DTWD2: variants seen among roughly 807,000 people sequenced by gnomAD.
DTWD2 encodes the protein DTW motif tRNA-uridine aminocarboxypropyltransferase 2.
DTWD2 carries 39 observed loss-of-function variants against 31.8 expected under a neutral mutation model. The observed-to-expected ratio is 1.22, with a 90% CI of 0.95 to 1.60. The LOEUF is 1.60. Ranked by LOEUF, DTWD2 falls within the 40% of genes most tolerant of loss-of-function variation. The probability of loss-of-function intolerance (pLI) is 0.00; values close to 1 mark genes in which losing one functional copy is unlikely to be tolerated. For missense variants in DTWD2, 515 were observed against 381.5 expected (o/e 1.35, Z -2.92); for synonymous variants, 180 against 142.8 (o/e 1.26, Z -1.86).
intron 4 of DTWD2, among the ~76,000 whole-genome samples, chr5:118,848,607 C>T (rs1253056811): frequency 6.6e-5 from 10 of 151,972 alleles, no homozygotes. Flanking sequence ...ATAAAAAAGG[C>T]TGCAGCTAAA....
intron 1 of DTWD2, among the ~76,000 whole-genome samples, chr5:118,975,260 T>G (rs987401051): frequency 6.6e-6 from 1 of 152,150 alleles, no homozygotes; most frequent in African/African-American, 2.4e-5. Context: ...TCTTCACGCT[T>G]TATTTCATTG....
At chr5:118,890,474 C>T (rs1752954169) in intron 4 of DTWD2, among the ~76,000 whole-genome samples, 1 of 149,758 alleles carries the variant, frequency 6.7e-6, no homozygotes, top group Non-Finnish European at 1.5e-5. Context: ...CTCCTGATTT[C>T]ATGAGTTTTG....
At chr5:118,986,292 A>G (rs1371760278) in intron 1 of DTWD2, among the ~76,000 whole-genome samples, 2 of 152,214 alleles carry the variant, frequency 1.3e-5, no homozygotes, top group South Asian at 4.1e-4. Context: ...GACATACATA[A>G]AGGACAGAAT....
rs58264680 is a variant in DTWD2 at position 118,978,790 on chromosome 5, G to A, written c.218+9504C>T. ...GGAGGCCAAGGAGGGTGGATCACTT[G>A]AGGTCAGGAGTTAGAGATCAGCCTG... On this transcript the variant is annotated intron_variant, in intron 1 of 5. Transcript: ENST00000510708. Among the ~76,000 whole-genome samples the A allele has an allele frequency of 3.2e-3, 493 of 152,086 alleles. 2 individuals are homozygous for A. Among genetic ancestry groups the A allele is most frequent in the African/African-American group, 0.012 (481 of 41,482 alleles).
intron 4 of DTWD2, among the ~76,000 whole-genome samples, chr5:118,873,355 C>G (rs1385042245): frequency 1.3e-5 from 2 of 152,184 alleles, no homozygotes; most frequent in Non-Finnish European, 2.9e-5. Flanking sequence ...CTGGCCTCTC[C>G]CAGGGCCCCA....
intron 1 of DTWD2, among the ~76,000 whole-genome samples, chr5:118,981,506 T>A (rs893266170): frequency 6.6e-6 from 1 of 151,094 alleles, no homozygotes; most frequent in Non-Finnish European, 1.5e-5. Flanking sequence ...TTTCCAATAG[T>A]GAAAAATGAA....
At chr5:118,929,920 T>C (rs1310351716) in intron 3 of DTWD2, among the ~76,000 whole-genome samples, 3 of 152,188 alleles carry the variant, frequency 2.0e-5, no homozygotes, top group Non-Finnish European at 4.4e-5. Context: ...TGCGGTTTCA[T>C]CTGCATAACA....
intron 4 of DTWD2, among the ~76,000 whole-genome samples, chr5:118,855,498 A>C (rs1278274302): frequency 6.6e-6 from 1 of 152,030 alleles, no homozygotes; most frequent in Non-Finnish European, 1.5e-5. Context: ...AATGGATACC[A>C]AGTATATTAT....
chr5:118,934,919 C>T (rs1352368007), intron 3 of DTWD2, among the ~76,000 whole-genome samples: 1 of 152,148 alleles, frequency 6.6e-6, no homozygotes, highest in Non-Finnish European at 1.5e-5. Flanking sequence ...ATTTGGTCTT[C>T]TTTCCGTTTC....
At chr5:118,964,788 T>A (rs1207931899) in intron 1 of DTWD2, among the ~76,000 whole-genome samples, 1 of 152,162 alleles carries the variant, frequency 6.6e-6, no homozygotes, top group African/African-American at 2.4e-5. Flanking sequence ...CTCGGCTCGC[T>A]ACAACCTCCA....
At chr5:118,959,619 G>A (rs1754663542) in intron 1 of DTWD2, among the ~76,000 whole-genome samples, 1 of 152,078 alleles carries the variant, frequency 6.6e-6, no homozygotes, top group African/African-American at 2.4e-5. Flanking sequence ...AAATTCATAT[G>A]GAACCAAAAA....
At chr5:118,870,380 T>C (rs980614898) in intron 4 of DTWD2, among the ~76,000 whole-genome samples, 6 of 152,172 alleles carry the variant, frequency 3.9e-5, no homozygotes, top group African/African-American at 1.4e-4. Context: ...ACTTGATTGG[T>C]TGGTTATTTC....
chr5:118,865,010 A>G (rs1275948069), intron 4 of DTWD2, among the ~76,000 whole-genome samples: 1 of 152,170 alleles, frequency 6.6e-6, no homozygotes, highest in Non-Finnish European at 1.5e-5. Context: ...TACTGTCTGA[A>G]AAATTTAAAC....
chr5:118,888,506 T>C (rs1032491860), intron 4 of DTWD2, among the ~76,000 whole-genome samples: 4 of 152,216 alleles, frequency 2.6e-5, no homozygotes, highest in Admixed American at 2.6e-4. Flanking sequence ...ATGCACCTAT[T>C]GATGGACATT....
intron 1 of DTWD2, among the ~76,000 whole-genome samples, chr5:118,980,818 C>G (rs1187119171): frequency 6.6e-6 from 1 of 152,094 alleles, no homozygotes; most frequent in Non-Finnish European, 1.5e-5. Flanking sequence ...TGGCAAAAAC[C>G]ACAATTACTT....
intron 1 of DTWD2, chr5:118,973,836 C>A: frequency 6.2e-7 from 1 of 1,612,348 alleles, no homozygotes. Context: ...GAAATCACCA[C>A]CAAGGACTTA....
At chr5:118,928,953 C>T (rs1753866079) in intron 3 of DTWD2, among the ~76,000 whole-genome samples, 1 of 152,138 alleles carries the variant, frequency 6.6e-6, no homozygotes, top group South Asian at 2.1e-4. Flanking sequence ...CTTTCCAATC[C>T]TCACTATTCT....
At chr5:118,928,110 G>A (rs1400080883) in intron 4 of DTWD2, among the ~76,000 whole-genome samples, 1 of 151,912 alleles carries the variant, frequency 6.6e-6, no homozygotes, top group African/African-American at 2.4e-5. Context: ...AATAATGAAT[G>A]ACAAAAAGTA....
intron 4 of DTWD2, among the ~76,000 whole-genome samples, chr5:118,868,600 G>A (rs747878100): frequency 6.6e-6 from 1 of 152,110 alleles, no homozygotes; most frequent in Non-Finnish European, 1.5e-5. Context: ...CACTTTGGGA[G>A]GCTGAGGCAG....
Sources: allele counts gnomAD v4.1 joint callset (sites outside exome capture counted in the v4.1 genomes callset), GRCh38; gene constraint gnomAD v4.1.1; transcripts MANE v1.5; gene names NCBI Gene and HGNC (gene_info 2026-07-23, HGNC 2026-07-21).